The following NEB variants were observed in gnomAD, a reference collection of about 807,000 sequenced individuals.
NEB encodes nemaline myopathy type 2.
NEB carries 512 observed loss-of-function variants against 952.2 expected under a neutral mutation model. The observed-to-expected ratio is 0.54, with a 90% CI of 0.50 to 0.58. The LOEUF is 0.58. NEB is among the 20% of genes least tolerant of loss of function. The probability of loss-of-function intolerance (pLI) is 0.00; values close to 1 mark genes in which losing one functional copy is unlikely to be tolerated. For synonymous variants in NEB, 2,900 were observed against 3,149.8 expected (o/e 0.92, Z 2.66); for missense variants, 8,428 against 9,231.1 (o/e 0.91, Z 3.56).
In NEB at chr2:151,545,915, C is replaced by G. The variant is rs1454797066; in HGVS notation, c.20550G>C (p.Val6850=). The change falls in exon 135 of 182, where the codon GTG becomes GTC. Residue 6850 remains valine (V), a synonymous_variant. Coordinates refer to ENST00000397345, the MANE Select transcript of NEB (RefSeq NM_001164508.2). The part of the protein sequence containing the change: ...VVLDTPEYRK[V]QELKTHLSEL... ...CACTCAGATGTGTCTTCAGTTCTTG[C>G]ACTTTTCTGTATTCTGGAGTGTCAA... The G allele has an allele frequency of 6.2e-7, 1 of 1,609,632 alleles. No homozygotes were observed. Among genetic ancestry groups the G allele is most frequent in the Non-Finnish European group, 8.5e-7 (1 of 1,177,570 alleles).
intron 13 of NEB, among the ~76,000 whole-genome samples, chr2:151,702,286 G>C (rs988738733): frequency 9.9e-5 from 15 of 151,916 alleles, no homozygotes; most frequent in East Asian, 3.9e-4. Context: ...TTACTTCCAA[G>C]TATGTGGTCA....
chr2:151,560,784 CCTT>C, intron 123 of NEB, 85 bp from the exon 124 acceptor site: 1 of 1,009,042 alleles, frequency 9.9e-7, no homozygotes, highest in Middle Eastern at 2.1e-4. Context: ...CTGTGTCTGT[CCTT>C]CTCACACACT....
intron 51 of NEB, among the ~76,000 whole-genome samples, chr2:151,654,604 G>A (rs893884655): frequency 7.9e-5 from 12 of 152,110 alleles, no homozygotes; most frequent in African/African-American, 2.9e-4. Context: ...GTTAAAACTG[G>A]GTAATAACAA....
rs1436337017 is a variant in NEB, at chr2:151,494,210, A to T, written c.24530T>A (p.Val8177Asp). Residue 8177 changes from valine (V) to aspartate (D), a missense_variant, in exon 174 of 182, where the codon GTC becomes GAC. By Grantham distance (152) the Val-to-Asp change is radical. Coordinates refer to ENST00000397345, the MANE Select transcript of NEB (RefSeq NM_001164508.2). The part of the protein sequence containing the change: ...ENVGKATATP[V>D]TPEMQRVKRN... ...TTTGACTCTCTGCATCTCAGGAGTGACAGGGGTTGCGGTGGCTTTCCCCAC... is the reference window on the plus strand; with the variant it reads ...TTTGACTCTCTGCATCTCAGGAGTGTCAGGGGTTGCGGTGGCTTTCCCCAC... 2 of 1,608,324 alleles carry T rather than the reference A, an allele frequency of 1.2e-6. No individual in the cohort carries two copies. The highest frequency in any genetic ancestry group is 2.2e-5 in the South Asian group (2 of 89,746).
chr2:151,508,217 C>T (rs1190227997), intron 161 of NEB, 108 bp from the exon 162 acceptor site: 8 of 664,490 alleles, frequency 1.2e-5, no homozygotes, highest in Non-Finnish European at 2.0e-5. Context: ...GAGGGAAAGT[C>T]CTTTGTATTT....
At chr2:151,717,638 T>C in intron 9 of NEB, 118 bp from the exon 10 acceptor site, 1 of 741,482 alleles carries the variant, frequency 1.3e-6, no homozygotes, top group Non-Finnish European at 2.3e-6. Flanking sequence ...ATACCATTGC[T>C]CTCAGTACTG....
At chr2:151,662,471 C>T (rs916247155) in intron 45 of NEB, 130 bp from the exon 46 acceptor site, 1 of 735,444 alleles carries the variant, frequency 1.4e-6, no homozygotes, top group South Asian at 3.5e-5. Context: ...TCAATATTTG[C>T]TTGAATATTG....
intron 145 of NEB, chr2:151,530,783 C>T: frequency 2.4e-6 from 1 of 414,294 alleles, no homozygotes; most frequent in Non-Finnish European, 4.3e-6. Context: ...TTGACTGAGC[C>T]CCAGGTGTCT....
In NEB at chr2:151,579,421, G is replaced by A. The variant is rs1287669175; in HGVS notation, c.16621C>T (p.Arg5541Cys). The change falls in exon 105 of 182, where the codon CGC becomes TGC. Residue 5541 changes from arginine (R) to cysteine (C), a missense_variant. Around this residue, in one of 11 missense-constraint regions of NEB, gnomAD observed 19 missense variants for 49.3 expected, o/e 0.39. Coordinates refer to ENST00000397345, the MANE Select transcript of NEB (RefSeq NM_001164508.2). ...GQALASDVDY[R>C]HYLHRWSCFP... ...CAAGACCAGCGGTGCAGGTAATGGC[G>A]ATAGTCCACATCACTTGCCAGTGCC... The A allele has an allele frequency of 1.8e-5, 27 of 1,530,990 alleles. 1 individual carries two copies. The highest frequency in any genetic ancestry group is 7.4e-5 in the East Asian group (3 of 40,686). The allele number at this position is 1,530,990 out of a possible 1,614,324, so 94.8% of individuals were successfully genotyped here.
At position 151,644,263 on chromosome 2, in the gene NEB, A is replaced by G. The variant is rs1350284878; in HGVS notation, c.7645-134T>C. The G allele has an allele frequency of 4.2e-5, 55 of 1,316,386 alleles. No individual in the cohort carries two copies. In the East Asian group the frequency reaches 1.3e-3, roughly 30 times the overall value. 81.5% of individuals were successfully genotyped at this position (1,316,386 alleles called of 1,614,324 possible). On this transcript the variant is annotated intron_variant, in intron 56 of 181. Coordinates refer to ENST00000397345, the MANE Select transcript of NEB (RefSeq NM_001164508.2). ...CCAAAGACTTCAGTCTTTTGATAAG[A>G]AAGATTAAAGGCTAAATTCAGCTAT...
chr2:151,664,826 G>T lies in NEB; in HGVS notation c.5276C>A (p.Thr1759Asn), dbSNP rs373721189. 13 of 1,612,858 alleles carry T rather than the reference G, an allele frequency of 8.1e-6. No homozygotes were observed. The highest frequency in any genetic ancestry group is 1.1e-5 in the Non-Finnish European group (13 of 1,179,378). Residue 1759 changes from threonine to asparagine, a missense_variant, in exon 43 of 182, where the codon ACC (threonine) becomes AAC (asparagine). Physicochemically the swap from Thr to Asn is moderately conservative, Grantham distance 65. Coordinates refer to ENST00000397345, the MANE Select transcript of NEB (RefSeq NM_001164508.2). ...CGGTGTGTCAGGCATGACATGAATG[G>T]TGGTCTTGTCCTTGTTCCATTTTTC... is the stretch of plus-strand genomic sequence containing the variant. The part of the protein sequence containing the change: ...YTEKWNKDKT[T>N]IHVMPDTPDI...
In NEB at chr2:151,610,035, G is replaced by A; in HGVS notation, c.12104C>T (p.Ala4035Val). 7 of 1,613,686 alleles carry A rather than the reference G, an allele frequency of 4.3e-6. No individual in the cohort carries two copies. Among genetic ancestry groups the A allele is most frequent in the Non-Finnish European group, 5.9e-6 (7 of 1,179,772 alleles). The change falls in exon 81 of 182, where the codon GCC becomes GTC. Residue 4035 changes from alanine (A) to valine (V), a missense_variant. By Grantham distance (64) the Ala-to-Val change is moderately conservative. Coordinates refer to ENST00000397345, the MANE Select transcript of NEB (RefSeq NM_001164508.2). ...SIEDDPKIMC[A>V]IHAGKIQSER... Reference sequence around the variant, plus strand: ...ACTTTGAATTTTTCCTGCATGTATGGCACACATAATCTTGGGATCATCTTC... The same window carrying A: ...ACTTTGAATTTTTCCTGCATGTATGACACACATAATCTTGGGATCATCTTC...
chr2:151,723,560 TC>T lies in NEB; in HGVS notation c.613-75del, dbSNP rs2099780763. On this transcript the variant is annotated intron_variant, in intron 8 of 181. Transcript: ENST00000397345. ...CACAAAATACATAGTTTTGAATTCA[TC>T]CATTAATAACCTAAAGAACCAAGGG... The T allele has an allele frequency of 2.7e-6, 3 of 1,097,972 alleles. No homozygotes were observed. The African/African-American group carries it at 4.7e-5, about 17-fold the overall frequency. 68.0% of individuals were successfully genotyped at this position (1,097,972 alleles called of 1,614,324 possible).
intron 107 of NEB, among the ~76,000 whole-genome samples, chr2:151,571,836 G>A (rs1314938095): frequency 2.6e-5 from 4 of 152,218 alleles, no homozygotes; most frequent in Non-Finnish European, 5.9e-5. Flanking sequence ...AGCACAGAAA[G>A]AAGTGGATTT....
Position 151,562,125 on chromosome 2 carries a change from G to A in NEB, c.18981C>T (p.Tyr6327=), listed in dbSNP as rs761964375. ...TPQILHAKKS[Y]DLQSQLQYTA... Reference sequence around the variant, plus strand: ...GGTGGCTCACCTGACTCTGAAGGTCGTATGATTTCTTGGCATGGAGGATTT... The same window carrying A: ...GGTGGCTCACCTGACTCTGAAGGTCATATGATTTCTTGGCATGGAGGATTT... Residue 6327 remains tyrosine (Y), a synonymous_variant, in exon 121 of 182, where the codon TAC becomes TAT. Coordinates refer to ENST00000397345, the MANE Select transcript of NEB (RefSeq NM_001164508.2). The A allele has an allele frequency of 2.0e-5, 33 of 1,613,196 alleles. No homozygotes were observed. The highest frequency in any genetic ancestry group is 1.0e-4 in the Admixed American group (6 of 59,986).
Position 151,609,830 on chromosome 2 carries a change from CT to C in NEB, c.12308del (p.Lys4103ArgfsTer31). On this transcript the variant is annotated frameshift_variant, in exon 81 of 182. Transcript: ENST00000397345. LOFTEE classifies it high-confidence loss of function. ...PDQNDIIQAK[K>X]AYDLQSDSVY... ...GTACATCACTCTGCAGGTCATAGGC[CT>C]TTTTTGCTTGGATAATGTCGTTTTG... 2 of 1,595,096 alleles carry C rather than the reference CT, an allele frequency of 1.3e-6. No homozygotes were observed. The highest frequency in any genetic ancestry group is 1.7e-5 in the Admixed American group (1 of 58,516).
At chr2:151,537,387 G>T (rs2093359817) in intron 140 of NEB, among the ~76,000 whole-genome samples, 151 bp from the exon 141 acceptor site, 1 of 152,136 alleles carries the variant, frequency 6.6e-6, no homozygotes, top group South Asian at 2.1e-4. Context: ...GACATTTTCA[G>T]TAATACTGAC....
chr2:151,543,018 C>T (rs1241718021), intron 135 of NEB, among the ~76,000 whole-genome samples: 2 of 152,122 alleles, frequency 1.3e-5, no homozygotes, highest in African/African-American at 4.8e-5. Flanking sequence ...ATGTTCTTCT[C>T]CCTTTTATTT....
At chr2:151,706,640 A>G (rs1367839603) in intron 13 of NEB, among the ~76,000 whole-genome samples, 2 of 152,166 alleles carry the variant, frequency 1.3e-5, no homozygotes, top group African/African-American at 4.8e-5. Context: ...AGGTGCCCAG[A>G]GCTCCTAAGC....
Sources: allele counts gnomAD v4.1 joint callset (sites outside exome capture counted in the v4.1 genomes callset), GRCh38; gene constraint gnomAD v4.1.1; regional missense constraint gnomAD v4.1.1; transcripts MANE v1.5; gene names NCBI Gene and HGNC (gene_info 2026-07-23, HGNC 2026-07-21).